Variants in DLG2 observed in about 807,000 individuals in gnomAD.
DLG2 encodes the protein discs large MAGUK scaffold protein 2.
DLG2 carries 45 observed loss-of-function variants against 132.5 expected under a neutral mutation model. The observed-to-expected ratio is 0.34, with a 90% CI of 0.27 to 0.44. The LOEUF (loss-of-function observed/expected upper bound fraction) is 0.44, where lower values mean the gene tolerates loss of function less well. Ranked by LOEUF, DLG2 falls within the 20% of genes least tolerant of loss-of-function variation. The pLI is 1.00. For synonymous variants in DLG2, 424 were observed against 419.6 expected, an observed-to-expected ratio of 1.01 and a Z score of -0.13; for missense variants, 1,045 against 1,196.9, an observed-to-expected ratio of 0.87 and a Z score of 1.87.
intron 3 of DLG2, among the ~76,000 whole-genome samples, chr11:85,459,289 G>C (rs528756159): frequency 1.9e-4 from 29 of 152,314 alleles, no homozygotes; most frequent in South Asian, 6.2e-4. Flanking sequence ...CAGGAGGTGA[G>C]ACAGTTGTTC....
chr11:84,714,630 TCTCTCTCTCTCTCTCTTTCTCTC>T (rs1297336614), intron 6 of DLG2, among the ~76,000 whole-genome samples: 1 of 141,700 alleles, frequency 7.1e-6, no homozygotes, highest in African/African-American at 2.8e-5. Flanking sequence ...TCTTTCTCTC[TCTCTCTCTCTCTCTCTTTCTCTC>T]TCTCTCTCTC....
At chr11:84,110,992 A>G (rs910248623) in intron 9 of DLG2, among the ~76,000 whole-genome samples, 1 of 152,184 alleles carries the variant, frequency 6.6e-6, no homozygotes, top group Non-Finnish European at 1.5e-5. Context: ...CTTGACTCAG[A>G]GTAACTCCTC....
intron 15 of DLG2, among the ~76,000 whole-genome samples, chr11:83,906,253 TCTCTCACACACA>T (rs1565585126): frequency 1.0e-5 from 1 of 96,754 alleles, no homozygotes; most frequent in African/African-American, 4.1e-5. Flanking sequence ...TCTCTCTCTC[TCTCTCACACACA>T]CACACACACA....
chr11:83,963,030 G>C lies in DLG2; in HGVS notation c.1202-7C>G, dbSNP rs762537735. The C allele has an allele frequency of 6.2e-7, 1 of 1,612,088 alleles. No homozygotes were observed. The highest frequency in any genetic ancestry group is 1.3e-5 in the African/African-American group (1 of 74,812). On this transcript the variant is annotated splice_region_variant and splice_polypyrimidine_tract_variant and intron_variant, in intron 13 of 27. Transcript: ENST00000376104. ...TCCATTGGTGGAGAATAAGCTAAGA[G>C]GTGGGGGAAAAAGAGAAAAGAAACC...
At chr11:83,502,779 A>G (rs190459651) in intron 21 of DLG2, among the ~76,000 whole-genome samples, 2 of 152,254 alleles carry the variant, frequency 1.3e-5, no homozygotes, top group East Asian at 3.9e-4. Flanking sequence ...CTGTGTAAGG[A>G]AATTACCCTC....
At chr11:85,465,103 AAAAAAAAAAAAAAAAAG>A in intron 3 of DLG2, among the ~76,000 whole-genome samples, 1 of 135,000 alleles carries the variant, frequency 7.4e-6, no homozygotes, top group African/African-American at 2.9e-5. Context: ...AAAAAAAAAA[AAAAAAAAAAAAAAAAAG>A]AAGCAAGATG....
intron 6 of DLG2, among the ~76,000 whole-genome samples, chr11:84,567,853 C>G (rs78947452): frequency 6.6e-6 from 1 of 152,128 alleles, no homozygotes; most frequent in South Asian, 2.1e-4. Flanking sequence ...CCTGAAACAC[C>G]TGTGTGGCTC....
chr11:85,537,928 AAC>A (rs1469807937), intron 3 of DLG2, among the ~76,000 whole-genome samples: 4 of 151,860 alleles, frequency 2.6e-5, no homozygotes, highest in African/African-American at 9.7e-5. Flanking sequence ...CATCCAGGCT[AAC>A]ACAGTGAAAC....
chr11:84,770,745 A>C (rs1181804225), intron 6 of DLG2, among the ~76,000 whole-genome samples: 1 of 148,730 alleles, frequency 6.7e-6, no homozygotes, highest in Non-Finnish European at 1.5e-5. Flanking sequence ...TCACGGGTTC[A>C]CGCCATTCTC....
chr11:84,073,669 C>T (rs2096787041), intron 10 of DLG2, among the ~76,000 whole-genome samples: 1 of 152,146 alleles, frequency 6.6e-6, no homozygotes, highest in Admixed American at 6.5e-5. Context: ...AGCGGTTAGG[C>T]TTTAAATTAA....
chr11:83,673,799 A>G (rs1433445715), intron 18 of DLG2, among the ~76,000 whole-genome samples: 2 of 152,238 alleles, frequency 1.3e-5, no homozygotes, highest in Non-Finnish European at 2.9e-5. Flanking sequence ...GATAACATGT[A>G]TTCAGTGCTT....
At chr11:84,068,873 G>A (rs1310047829) in intron 10 of DLG2, among the ~76,000 whole-genome samples, 1 of 152,126 alleles carries the variant, frequency 6.6e-6, no homozygotes, top group South Asian at 2.1e-4. Flanking sequence ...GTTGAAATAG[G>A]TTTGTAATGA....
chr11:85,101,808 G>A (rs1247709664), intron 6 of DLG2, among the ~76,000 whole-genome samples: 1 of 152,062 alleles, frequency 6.6e-6, no homozygotes, highest in African/African-American at 2.4e-5. Context: ...GAAGCAGAAA[G>A]ATAGAGCTTA....
chr11:83,897,396 T>C (rs987202356), intron 15 of DLG2, among the ~76,000 whole-genome samples: 2 of 152,216 alleles, frequency 1.3e-5, no homozygotes, highest in African/African-American at 4.8e-5. Context: ...GGATACTTTG[T>C]TTTCCAATGC....
intron 18 of DLG2, among the ~76,000 whole-genome samples, chr11:83,698,147 G>A (rs1165289391): frequency 6.6e-6 from 1 of 152,204 alleles, no homozygotes; most frequent in Admixed American, 6.5e-5. Context: ...GAGTACATGA[G>A]ATAATAGAGG....
chr11:84,261,227 A>G (rs1169623301), intron 7 of DLG2, among the ~76,000 whole-genome samples: 5 of 152,174 alleles, frequency 3.3e-5, no homozygotes, highest in Non-Finnish European at 7.3e-5. Flanking sequence ...ATTGCTATTT[A>G]GTTTCCATCC....
chr11:84,528,910 C>G, intron 7 of DLG2, among the ~76,000 whole-genome samples: 1 of 152,282 alleles, frequency 6.6e-6, no homozygotes, highest in Non-Finnish European at 1.5e-5. Context: ...TCTGATATCA[C>G]AGTACTGTGC....
chr11:85,085,280 C>A (rs1160765189), intron 6 of DLG2, among the ~76,000 whole-genome samples: 1 of 152,106 alleles, frequency 6.6e-6, no homozygotes, highest in East Asian at 1.9e-4. Flanking sequence ...CCTATACAAG[C>A]CTTTTTAGTT....
intron 7 of DLG2, among the ~76,000 whole-genome samples, chr11:84,513,535 C>T (rs1467937865): frequency 6.6e-6 from 1 of 152,008 alleles, no homozygotes; most frequent in Non-Finnish European, 1.5e-5. Context: ...CAAATCCACA[C>T]ATATACAGTA....
Sources: gnomAD v4.1 joint callset for allele counts (sites outside exome capture counted in the v4.1 genomes callset) on GRCh38, gnomAD v4.1.1 for gene constraint, MANE v1.5 for transcripts, NCBI Gene and HGNC (gene_info 2026-07-23, HGNC 2026-07-21) for gene names.